Variants in SANBR observed in about 807,000 individuals in gnomAD.
SANBR encodes SANT and BTB domain regulator of class switch recombination.
Under a neutral mutation model 101.8 loss-of-function variants are expected in SANBR, and 77 were observed. The observed-to-expected ratio is 0.76, with a 90% confidence interval of 0.63 to 0.91. SANBR has a LOEUF of 0.91. Ranked by LOEUF, SANBR falls within the 40% of genes least tolerant of loss-of-function variation. SANBR has a pLI of 0.00. For synonymous variants in SANBR, 279 were observed against 274.7 expected (o/e 1.02, Z -0.15); for missense variants, 875 against 853.0 (o/e 1.03, Z -0.32).
Position 61,117,556 on chromosome 2 carries a change from T to C in SANBR, c.1939+16T>C, listed in dbSNP as rs1684134240. Reference sequence around the variant, plus strand: ...AGAGAAGACGGTAAATTTTATTATTTGGGTAATGTACAAATTGGATGTAAA... The same window carrying C: ...AGAGAAGACGGTAAATTTTATTATTCGGGTAATGTACAAATTGGATGTAAA... On this transcript the variant is annotated intron_variant, in intron 19 of 21. Transcript: ENST00000402291. The C allele has an allele frequency of 6.3e-7, 1 of 1,594,854 alleles. No homozygotes were observed. The highest frequency in any genetic ancestry group is 8.6e-7 in the Non-Finnish European group (1 of 1,163,082).
chr2:61,111,176 G>A (rs1179114835), intron 16 of SANBR, among the ~76,000 whole-genome samples: 2 of 152,060 alleles, frequency 1.3e-5, no homozygotes, highest in Non-Finnish European at 2.9e-5. Flanking sequence ...GGCGGATCAC[G>A]AGCTCAGAAG....
chr2:61,083,785 C>T (rs1682273063), intron 8 of SANBR, among the ~76,000 whole-genome samples: 1 of 151,246 alleles, frequency 6.6e-6, no homozygotes, highest in Admixed American at 6.6e-5. Context: ...AGGAGAATGG[C>T]ATGAACCTGG....
chr2:61,077,461 CT>C (rs1681853366), intron 6 of SANBR, among the ~76,000 whole-genome samples: 1 of 152,146 alleles, frequency 6.6e-6, no homozygotes. Context: ...CAAGATGTCA[CT>C]TGACTTTCTC....
Position 61,073,479 on chromosome 2 carries a change from C to T in SANBR, c.359C>T (p.Thr120Ile). The T allele has an allele frequency of 6.4e-7, 1 of 1,567,156 alleles. No homozygotes were observed. The highest frequency in any genetic ancestry group is 8.7e-7 in the Non-Finnish European group (1 of 1,146,662). Residue 120 changes from threonine (T) to isoleucine (I), a missense_variant, in exon 5 of 22, where the codon ACA becomes ATA. Physicochemically the swap from Thr to Ile is moderately conservative, Grantham distance 89. Coordinates refer to ENST00000402291, the MANE Select transcript of SANBR (RefSeq NM_001129993.3). ...TAAGGAAGACATAGTATAGCTTCCA[C>T]AAGGAATTGTTCTTCAGAAAGTGAA... ...SKTGRHSIAS[T>I]RNCSSESENC...
rs1434988241 is a variant in SANBR at position 61,121,194 on chromosome 2, G to A, written c.2038G>A (p.Gly680Ser). 6.5e-7 allele frequency: 1 copy of A among 1,550,322 alleles called. No homozygotes were observed. Among genetic ancestry groups the A allele is most frequent in the Non-Finnish European group, 8.7e-7 (1 of 1,145,998 alleles). ...CTTCTTTATTCTGCAGTTTGCAGGAGGTATTTATTCCAGGCTGGAAGCACA... is the reference window on the plus strand; with the variant it reads ...CTTCTTTATTCTGCAGTTTGCAGGAAGTATTTATTCCAGGCTGGAAGCACA... ...KSKEAKEFAG[G>S]IYSRLEAQIK... is the part of the protein sequence containing the mutation. Residue 680 changes from glycine (G) to serine (S), a missense_variant, in exon 21 of 22, where the codon GGT becomes AGT. By Grantham distance (56) the Gly-to-Ser change is moderately conservative. Transcript: ENST00000402291.
intron 20 of SANBR, among the ~76,000 whole-genome samples, chr2:61,118,806 C>T (rs986061228): frequency 3.3e-5 from 5 of 151,920 alleles, no homozygotes; most frequent in South Asian, 2.1e-4. Flanking sequence ...GTGATCTGCC[C>T]GCCTCAGCCT....
chr2:61,104,710 A>G (rs182963030), intron 13 of SANBR, among the ~76,000 whole-genome samples: 4 of 152,240 alleles, frequency 2.6e-5, no homozygotes, highest in East Asian at 1.9e-4. Flanking sequence ...TAATTTCTGA[A>G]GTCGCGTTCA....
chr2:61,090,718 T>TTGTGTGTGTGTG (rs58195165), intron 10 of SANBR: 7,242 of 143,166 alleles, frequency 0.051, 235 homozygotes, highest in Middle Eastern at 0.065. Flanking sequence ...GGCACAGGGT[T>TTGTGTGTGTGTG]TGTGTGTGTG....
At chr2:61,095,500 G>A (rs1471720195) in intron 11 of SANBR, among the ~76,000 whole-genome samples, 2 of 152,144 alleles carry the variant, frequency 1.3e-5, no homozygotes, top group African/African-American at 2.4e-5. Context: ...ATGCATTTAT[G>A]TTAAAGATCA....
rs1048854124 is a variant in SANBR, at chr2:61,112,501, T to A, written c.1744+3205T>A. Among the ~76,000 whole-genome samples the A allele has an allele frequency of 1.4e-4, 22 of 152,152 alleles. No homozygotes were observed. In the Middle Eastern group the frequency reaches 0.01, roughly 71 times the overall value. On this transcript the variant is annotated intron_variant, in intron 16 of 21. Transcript: ENST00000402291. ...GCCTTGCCTTTTAATTTTCTTTTTTTTTTCTTTTTTTTTGAGATAGAGTCT... is the reference window on the plus strand; with the variant it reads ...GCCTTGCCTTTTAATTTTCTTTTTTATTTCTTTTTTTTTGAGATAGAGTCT...
intron 8 of SANBR, 83 bp downstream of exon 8, chr2:61,083,397 CT>C (rs1056982819): frequency 3.3e-6 from 3 of 907,050 alleles, no homozygotes; most frequent in African/African-American, 1.7e-5. Flanking sequence ...AATATTCTTT[CT>C]TTTTTCTTTT....
intron 7 of SANBR, among the ~76,000 whole-genome samples, chr2:61,082,407 G>A (rs1011687737): frequency 2.6e-5 from 4 of 152,132 alleles, no homozygotes; most frequent in Non-Finnish European, 5.9e-5. Flanking sequence ...GGTTGTAGAG[G>A]TATGTTGTAG....
chr2:61,118,758 C>T (rs1684201850), intron 20 of SANBR, among the ~76,000 whole-genome samples: 4 of 152,094 alleles, frequency 2.6e-5, no homozygotes, highest in East Asian at 1.9e-4. Context: ...GACGGGGTTT[C>T]ACCATGTTGG....
At chr2:61,113,365 C>G (rs1025268070) in intron 16 of SANBR, among the ~76,000 whole-genome samples, 2 of 152,038 alleles carry the variant, frequency 1.3e-5, no homozygotes, top group Non-Finnish European at 2.9e-5. Flanking sequence ...CTACAAATAT[C>G]TTTTTGGGAT....
intron 6 of SANBR, among the ~76,000 whole-genome samples, chr2:61,077,588 GA>G (rs968483647): frequency 8.9e-4 from 120 of 134,526 alleles, no homozygotes; most frequent in East Asian, 4.2e-3. Flanking sequence ...TAGTTAATAA[GA>G]AAAAAAAAAA....
At chr2:61,103,167 A>G (rs1683375751) in intron 12 of SANBR, among the ~76,000 whole-genome samples, 1 of 144,024 alleles carries the variant, frequency 6.9e-6, no homozygotes, top group Non-Finnish European at 1.5e-5. Flanking sequence ...ACAGGGTTTC[A>G]CTCTATCGCC....
chr2:61,106,177 A>G (rs1038130232), intron 13 of SANBR, among the ~76,000 whole-genome samples: 2 of 151,928 alleles, frequency 1.3e-5, no homozygotes, highest in Non-Finnish European at 2.9e-5. Context: ...GGATCACCTG[A>G]TGTCAAGAGT....
chr2:61,084,128 AT>A (rs1682298654), intron 8 of SANBR, among the ~76,000 whole-genome samples: 1 of 151,806 alleles, frequency 6.6e-6, no homozygotes, highest in South Asian at 2.1e-4. Flanking sequence ...TGATTTTTGT[AT>A]TTTTTGTAGA....
rs1462974108 is a variant in SANBR at position 61,096,232 on chromosome 2, A to G, written c.1213-1468A>G. Among the ~76,000 whole-genome samples, 2 of 152,084 alleles carry G rather than the reference A, an allele frequency of 1.3e-5. 1 individual carries two copies. Among genetic ancestry groups the G allele is most frequent in the Non-Finnish European group, 2.9e-5 (2 of 68,010 alleles). ...AAGCCCAACATTATCATCACCCACC[A>G]ATGGTGCCCCCTGCACAGGCCCAAA... On this transcript the variant is annotated intron_variant, in intron 11 of 21. Transcript: ENST00000402291.
Sources: gnomAD v4.1 joint callset for allele counts (sites outside exome capture counted in the v4.1 genomes callset) on GRCh38, gnomAD v4.1.1 for gene constraint, MANE v1.5 for transcripts, NCBI Gene and HGNC (gene_info 2026-07-23, HGNC 2026-07-21) for gene names.